The following ROBO2 variants were observed in gnomAD, a reference collection of about 807,000 sequenced individuals.
The protein encoded by ROBO2 is roundabout guidance receptor 2.
In ROBO2, 53 loss-of-function variants were observed where a neutral mutation model predicts 160.8. The ratio of observed to expected loss-of-function variants is 0.33; its 90% CI spans 0.26 to 0.41. ROBO2 has a LOEUF of 0.41. Among genes scored for constraint, ROBO2 ranks in the 10% least tolerant of loss-of-function variants. The pLI is 1.00. For missense variants in ROBO2, 1,577 were observed against 1,722.4 expected (o/e 0.92, Z 1.49); for synonymous variants, 664 against 611.7 (o/e 1.09, Z -1.26).
intron 5 of ROBO2, among the ~76,000 whole-genome samples, chr3:77,521,242 A>G (rs2090563863): frequency 6.6e-6 from 1 of 151,214 alleles, no homozygotes; most frequent in Admixed American, 6.6e-5. Flanking sequence ...GCACATTAAG[A>G]GGCCAAGTCC....
intron 2 of ROBO2, among the ~76,000 whole-genome samples, chr3:76,723,285 T>C (rs1049531716): frequency 6.6e-6 from 1 of 152,232 alleles, no homozygotes; most frequent in African/African-American, 2.4e-5. Context: ...CAAGTTCATA[T>C]ATAAAGAAGA....
intron 2 of ROBO2, among the ~76,000 whole-genome samples, chr3:76,515,890 T>A (rs1437679928): frequency 6.6e-6 from 1 of 152,206 alleles, no homozygotes; most frequent in Non-Finnish European, 1.5e-5. Flanking sequence ...TCTTCACTTA[T>A]GTCTCATTTT....
chr3:77,042,354 T>C (rs1451666193), intron 1 of ROBO2, among the ~76,000 whole-genome samples: 7 of 152,260 alleles, frequency 4.6e-5, no homozygotes, highest in South Asian at 2.1e-4. Flanking sequence ...GTGTGTTTGA[T>C]TTTCATGATA....
intron 2 of ROBO2, among the ~76,000 whole-genome samples, chr3:77,402,541 G>T (rs768456187): frequency 3.9e-5 from 6 of 152,162 alleles, no homozygotes; most frequent in Non-Finnish European, 4.4e-5. Flanking sequence ...AGAAACTTCT[G>T]AATATCTCAG....
intron 2 of ROBO2, among the ~76,000 whole-genome samples, chr3:77,353,713 G>GTC (rs1021244156): frequency 3.9e-5 from 6 of 152,064 alleles, no homozygotes; most frequent in African/African-American, 1.4e-4. Flanking sequence ...GTTTCACCAT[G>GTC]TTGGCCAGGC....
intron 8 of ROBO2, among the ~76,000 whole-genome samples, chr3:77,556,312 G>A (rs2093118950): frequency 6.6e-6 from 1 of 151,702 alleles, no homozygotes. Flanking sequence ...GTTTTATTTA[G>A]TATTAAAAGT....
intron 2 of ROBO2, among the ~76,000 whole-genome samples, chr3:77,272,124 A>G (rs1286948780): frequency 1.4e-4 from 21 of 152,218 alleles, no homozygotes; most frequent in Admixed American, 1.0e-3. Flanking sequence ...TCTTAAACCC[A>G]TAAGATGGGG....
chr3:77,189,524 G>C (rs1176800795), intron 2 of ROBO2, among the ~76,000 whole-genome samples: 2 of 151,810 alleles, frequency 1.3e-5, no homozygotes, highest in African/African-American at 4.8e-5. Context: ...AGCAAACCTT[G>C]AACATGTCAG....
At chr3:76,782,682 T>G (rs1054937182) in intron 2 of ROBO2, among the ~76,000 whole-genome samples, 2 of 150,688 alleles carry the variant, frequency 1.3e-5, no homozygotes, top group Non-Finnish European at 3.0e-5. Context: ...CTTCATCTCA[T>G]ATATATATAA....
chr3:76,873,588 CGTT>C (rs1451790752), intron 2 of ROBO2, among the ~76,000 whole-genome samples: 10 of 152,072 alleles, frequency 6.6e-5, no homozygotes, highest in African/African-American at 2.4e-4. Context: ...TCGTCGTCGT[CGTT>C]GTCGTCGTCG....
intron 6 of ROBO2, among the ~76,000 whole-genome samples, chr3:77,531,138 T>C (rs2153634815): frequency 6.6e-6 from 1 of 151,930 alleles, no homozygotes; most frequent in East Asian, 2.0e-4. Context: ...TTGCCTGGAG[T>C]ATAAAACTGA....
At chr3:77,066,874 C>A (rs1389603016) in intron 1 of ROBO2, among the ~76,000 whole-genome samples, 1 of 152,028 alleles carries the variant, frequency 6.6e-6, no homozygotes, top group Non-Finnish European at 1.5e-5. Flanking sequence ...GGTATCCTTG[C>A]ACTACTTTTA....
intron 2 of ROBO2, among the ~76,000 whole-genome samples, chr3:75,980,691 T>G (rs2065249588): frequency 6.6e-6 from 1 of 151,546 alleles, no homozygotes; most frequent in African/African-American, 2.4e-5. Context: ...TGCTACTCAC[T>G]TAAATCTGAA....
At chr3:77,197,206 G>A (rs1366897850) in intron 2 of ROBO2, among the ~76,000 whole-genome samples, 1 of 152,106 alleles carries the variant, frequency 6.6e-6, no homozygotes, top group Non-Finnish European at 1.5e-5. Flanking sequence ...AAATTCCAAA[G>A]CTGAAATTTC....
chr3:76,068,232 T>A (rs544040227), intron 2 of ROBO2, among the ~76,000 whole-genome samples: 4 of 152,248 alleles, frequency 2.6e-5, no homozygotes, highest in African/African-American at 9.6e-5. Context: ...AGGAGCTCTG[T>A]CTGACTGGGC....
intron 2 of ROBO2, among the ~76,000 whole-genome samples, chr3:77,258,208 A>T (rs2058544799): frequency 1.3e-5 from 2 of 152,242 alleles, no homozygotes; most frequent in South Asian, 2.1e-4. Context: ...ATTCACTTGT[A>T]TAAAGTTCGA....
At chr3:76,627,201 T>A (rs1231731450) in intron 2 of ROBO2, among the ~76,000 whole-genome samples, 1 of 152,254 alleles carries the variant, frequency 6.6e-6, no homozygotes, top group East Asian at 1.9e-4. Context: ...GTTTGCATTC[T>A]TCTTTTGAAT....
At chr3:76,678,813 T>A (rs2092480290) in intron 2 of ROBO2, among the ~76,000 whole-genome samples, 1 of 152,156 alleles carries the variant, frequency 6.6e-6, no homozygotes, top group African/African-American at 2.4e-5. Context: ...GTTAGTTTCG[T>A]TATCCATAAA....
At chr3:77,134,409 T>C (rs949475664) in intron 2 of ROBO2, among the ~76,000 whole-genome samples, 4 of 152,250 alleles carry the variant, frequency 2.6e-5, no homozygotes, top group Admixed American at 1.3e-4. Context: ...TTTAACCTAG[T>C]AATCTATTCT....
Sources: allele counts gnomAD v4.1 joint callset (sites outside exome capture counted in the v4.1 genomes callset), GRCh38; gene constraint gnomAD v4.1.1; transcripts MANE v1.5; gene names NCBI Gene and HGNC (gene_info 2026-07-23, HGNC 2026-07-21).